Variants in PRR16 observed in about 807,000 individuals in gnomAD.
PRR16 encodes the protein protein Largen.
A neutral mutation model predicts 18.2 loss-of-function variants in PRR16; 6 were observed. The ratio of observed to expected loss-of-function variants is 0.33; its 90% confidence interval spans 0.18 to 0.65. The LOEUF is 0.65. Among genes scored for constraint, PRR16 ranks in the 30% least tolerant of loss-of-function variants. PRR16 has a pLI of 0.74. For missense variants in PRR16, 412 were observed against 376.6 expected (o/e 1.09, Z -0.78); for synonymous variants, 151 against 147.8 (o/e 1.02, Z -0.16).
the PRR16 span, among the ~76,000 whole-genome samples, chr5:120,762,821 C>CT: frequency 6.6e-6 from 1 of 152,038 alleles, no homozygotes; most frequent in East Asian, 1.9e-4. Context: ...GTTATCTGTG[C>CT]TTTTGAGGTC....
rs141305160 is a variant in PRR16, at chr5:120,602,786, T to A, written c.160-83168T>A. ...GTTTTAAACATGCATGGGTGTCAAA[T>A]TTTATCAATGCCATATCTGAGTCTA... On this transcript the variant is annotated intron_variant, in intron 1 of 1. Transcript: ENST00000407149. Among the ~76,000 whole-genome samples, 307 of 152,224 alleles carry A rather than the reference T, an allele frequency of 2.0e-3. 1 individual carries two copies. The highest frequency in any genetic ancestry group is 6.8e-3 in the Middle Eastern group (2 of 294).
the PRR16 span, among the ~76,000 whole-genome samples, chr5:120,737,088 AT>A: frequency 1.3e-5 from 2 of 152,136 alleles, no homozygotes; most frequent in African/African-American, 4.8e-5. Context: ...TTCCTTTACA[AT>A]TTGGATTCCT....
At chr5:120,602,077 A>G (rs931782897) in intron 1 of PRR16, among the ~76,000 whole-genome samples, 1 of 151,926 alleles carries the variant, frequency 6.6e-6, no homozygotes, top group Non-Finnish European at 1.5e-5. Flanking sequence ...GAATTTTCTA[A>G]TAGTTTTTAC....
At chr5:120,788,315 C>T in the PRR16 span, among the ~76,000 whole-genome samples, 365 of 152,050 alleles carry the variant, frequency 2.4e-3, 3 homozygotes, top group African/African-American at 8.7e-3. Flanking sequence ...TTTTAATAAG[C>T]TGTAGCAGCT....
the PRR16 span, among the ~76,000 whole-genome samples, chr5:120,768,797 G>A: frequency 6.6e-6 from 1 of 151,738 alleles, no homozygotes; most frequent in Non-Finnish European, 1.5e-5. Context: ...AAAATAATCT[G>A]AGAATAGGTT....
chr5:120,609,986 A>T (rs1754283480), intron 1 of PRR16, among the ~76,000 whole-genome samples: 1 of 152,106 alleles, frequency 6.6e-6, no homozygotes, highest in Admixed American at 6.6e-5. Context: ...ATAAATAAGG[A>T]CGTTTATCTC....
At chr5:120,550,824 G>A (rs974008171) in intron 1 of PRR16, among the ~76,000 whole-genome samples, 5 of 151,920 alleles carry the variant, frequency 3.3e-5, no homozygotes, top group Non-Finnish European at 7.4e-5. Context: ...ACAGAAATTG[G>A]CAGATGCCTG....
the PRR16 span, among the ~76,000 whole-genome samples, chr5:120,710,304 A>T: frequency 3.4e-4 from 52 of 152,236 alleles, no homozygotes; most frequent in African/African-American, 1.2e-3. Context: ...AAGGCTTTTT[A>T]AAAAATTTAT....
chr5:120,474,337 A>G (rs1252370107), intron 1 of PRR16, among the ~76,000 whole-genome samples: 9 of 152,140 alleles, frequency 5.9e-5, no homozygotes, highest in Admixed American at 5.9e-4. Flanking sequence ...AGCATCTACA[A>G]CTAGATGCCA....
At chr5:120,505,557 C>A (rs1012091193) in intron 1 of PRR16, among the ~76,000 whole-genome samples, 2 of 152,096 alleles carry the variant, frequency 1.3e-5, no homozygotes, top group Non-Finnish European at 2.9e-5. Flanking sequence ...TAAGAAAGAT[C>A]AGGCTATCCA....
At chr5:120,540,771 A>C (rs1284401301) in intron 1 of PRR16, among the ~76,000 whole-genome samples, 1 of 152,192 alleles carries the variant, frequency 6.6e-6, no homozygotes, top group Non-Finnish European at 1.5e-5. Context: ...CTCAGGAATA[A>C]ATGGGTTATA....
At chr5:120,583,714 GGT>G (rs1365992377) in intron 1 of PRR16, among the ~76,000 whole-genome samples, 1 of 151,982 alleles carries the variant, frequency 6.6e-6, no homozygotes, top group Admixed American at 6.6e-5. Context: ...CCTTGAGGGT[GGT>G]ATTGTTTGTT....
chr5:120,527,361 T>C (rs976487656), intron 1 of PRR16, among the ~76,000 whole-genome samples: 2 of 152,224 alleles, frequency 1.3e-5, no homozygotes, highest in African/African-American at 4.8e-5. Context: ...AATTGATTGC[T>C]AATGTTCATC....
At chr5:120,721,303 T>A in the PRR16 span, among the ~76,000 whole-genome samples, 6 of 152,014 alleles carry the variant, frequency 3.9e-5, no homozygotes, top group East Asian at 1.2e-3. Context: ...CATTAAATAA[T>A]TACATTATGG....
At chr5:120,595,246 A>T (rs1753762214) in intron 1 of PRR16, among the ~76,000 whole-genome samples, 1 of 151,984 alleles carries the variant, frequency 6.6e-6, no homozygotes, top group African/African-American at 2.4e-5. Context: ...TTGCAAGCAA[A>T]ATCAAACAAT....
chr5:120,703,173 C>T, the PRR16 span, among the ~76,000 whole-genome samples: 1 of 151,948 alleles, frequency 6.6e-6, no homozygotes, highest in Non-Finnish European at 1.5e-5. Flanking sequence ...TCGCAAGGTG[C>T]TCAGTGGGGG....
chr5:120,740,601 T>C, the PRR16 span, among the ~76,000 whole-genome samples: 1 of 152,178 alleles, frequency 6.6e-6, no homozygotes, highest in East Asian at 1.9e-4. Flanking sequence ...ACTATATCAA[T>C]ACCATACTGT....
chr5:120,492,053 T>C (rs2112828890), intron 1 of PRR16, among the ~76,000 whole-genome samples: 1 of 151,980 alleles, frequency 6.6e-6, no homozygotes, highest in South Asian at 2.1e-4. Flanking sequence ...GTGTTCAATC[T>C]CTTTGTTCAC....
chr5:120,590,902 A>G (rs182825327), intron 1 of PRR16, among the ~76,000 whole-genome samples: 1 of 152,286 alleles, frequency 6.6e-6, no homozygotes, highest in African/African-American at 2.4e-5. Context: ...GTAGTGCACA[A>G]TAAACAAAGC....
Sources: gnomAD v4.1 joint callset for allele counts (sites outside exome capture counted in the v4.1 genomes callset) on GRCh38, gnomAD v4.1.1 for gene constraint, MANE v1.5 for transcripts, NCBI Gene and HGNC (gene_info 2026-07-23, HGNC 2026-07-21) for gene names.